The following RP1 variants were observed in gnomAD, a reference collection of about 807,000 sequenced individuals.
RP1 encodes RP1 axonemal microtubule associated.
Under a neutral mutation model 14.8 loss-of-function variants are expected in RP1, and 16 were observed. The observed-to-expected ratio is 1.08, with a 90% CI of 0.73 to 1.65. RP1 has a LOEUF of 1.65. RP1 is among the 40% of genes most tolerant of loss of function. The pLI, the probability that RP1 is intolerant of heterozygous loss-of-function variation, is 0.00. For synonymous variants in RP1, 876 were observed against 883.6 expected, an observed-to-expected ratio of 0.99 and a Z score of 0.15; for missense variants, 2,631 against 2,535.0, an observed-to-expected ratio of 1.04 and a Z score of -0.81.
chr8:54,716,083 C>A (rs1238580704), intron 15 of RP1, among the ~76,000 whole-genome samples: 1 of 152,144 alleles, frequency 6.6e-6, no homozygotes, highest in African/African-American at 2.4e-5. Context: ...GAATGATATT[C>A]AAGTTCATAA....
At chr8:54,832,570 C>A (rs1400561308) in intron 24 of RP1, among the ~76,000 whole-genome samples, 1 of 151,494 alleles carries the variant, frequency 6.6e-6, no homozygotes, top group African/African-American at 2.4e-5. Flanking sequence ...TTTTAATATC[C>A]TTGTCTGCTA....
At chr8:54,837,464 T>C in exon 25 of RP1, 2 of 1,227,834 alleles carry the variant, frequency 1.6e-6, no homozygotes, top group Non-Finnish European at 2.0e-6. Flanking sequence ...ATCTCAAAGA[T>C]ATTGGTGAAA....
rs148029576 is a variant in RP1, at chr8:54,789,715, C to G, written c.3615+6005C>G. On this transcript the variant is annotated intron_variant, in intron 24 of 28. Coordinates refer to the RP1 transcript ENST00000637698. ...AGTCCAGACAGCAAACCCACCTAAT[C>G]GTGGAGTGCAGCCTATAACCCCATC... is the stretch of plus-strand genomic sequence containing the variant. Among the ~76,000 whole-genome samples the G allele has an allele frequency of 1.2e-4, 18 of 152,290 alleles. No homozygotes were observed. In the East Asian group the frequency reaches 3.3e-3, roughly 28 times the overall value.
chr8:54,629,971 A>C lies in RP1; in HGVS notation c.6089A>C (p.Glu2030Ala), dbSNP rs1476368588. The stretch of plus-strand genomic sequence containing the variant: ...AAGAAATTTCAACCAGATTTGAAGG[A>C]AAGGTTTTGTATGAATTTCTTGCAC... ...NLKKFQPDLK[E>A]RFCMNFLHTS... The change falls in exon 4 of 4, where the codon GAA becomes GCA. Residue 2030 changes from glutamate to alanine, a missense_variant. Transcript: ENST00000220676. The C allele has an allele frequency of 1.9e-6, 3 of 1,614,036 alleles. No individual in the cohort carries two copies. In the Admixed American group the frequency reaches 5.0e-5, roughly 27 times the overall value.
chr8:54,570,281 G>C (rs1804492766), intron 1 of RP1, among the ~76,000 whole-genome samples: 1 of 151,962 alleles, frequency 6.6e-6, no homozygotes, highest in South Asian at 2.1e-4. Flanking sequence ...CCATTCTTCA[G>C]AAACCAACTG....
chr8:54,618,803 A>G (rs1015558480), intron 1 of RP1, among the ~76,000 whole-genome samples: 12 of 152,014 alleles, frequency 7.9e-5, no homozygotes, highest in Admixed American at 7.2e-4. Context: ...TGGGACTACA[A>G]GCACACGCCA....
intron 27 of RP1, among the ~76,000 whole-genome samples, chr8:54,861,455 G>A (rs1217645622): frequency 6.6e-6 from 1 of 152,140 alleles, no homozygotes; most frequent in Non-Finnish European, 1.5e-5. Context: ...CCACTTTCAT[G>A]TGTAGTGCAA....
chr8:54,749,094 C>A (rs4737674), intron 19 of RP1, among the ~76,000 whole-genome samples: 46,171 of 151,874 alleles, frequency 0.3, 7,348 homozygotes, highest in East Asian at 0.5. Flanking sequence ...GGATTAAATA[C>A]AATTTGTGAA....
intron 8 of RP1, chr8:54,673,973 T>A: frequency 1.4e-6 from 2 of 1,402,500 alleles, no homozygotes; most frequent in Non-Finnish European, 1.9e-6. Context: ...GATTCCATTC[T>A]GTTTATATGA....
chr8:54,818,304 C>T (rs1811181377), intron 24 of RP1, among the ~76,000 whole-genome samples: 1 of 152,190 alleles, frequency 6.6e-6, no homozygotes, highest in Non-Finnish European at 1.5e-5. Context: ...TAAATAGTGT[C>T]TTTGCAAAAA....
At chr8:54,662,283 G>A (rs1170430693) in intron 6 of RP1, among the ~76,000 whole-genome samples, 1 of 152,122 alleles carries the variant, frequency 6.6e-6, no homozygotes, top group Non-Finnish European at 1.5e-5. Context: ...GTTAATTTCA[G>A]GTTATAAATC....
intron 15 of RP1, among the ~76,000 whole-genome samples, chr8:54,711,780 A>AT (rs910691724): frequency 6.5e-4 from 97 of 149,028 alleles, no homozygotes; most frequent in African/African-American, 1.5e-3. Flanking sequence ...ACAAAACATG[A>AT]TTTTTTTTTT....
chr8:54,608,322 T>A (rs1038660262), intron 1 of RP1, among the ~76,000 whole-genome samples: 1 of 152,018 alleles, frequency 6.6e-6, no homozygotes, highest in African/African-American at 2.4e-5. Context: ...GGGTTAATTT[T>A]ATGGCATGGA....
chr8:54,786,692 G>A (rs1810327606), intron 24 of RP1, among the ~76,000 whole-genome samples: 1 of 151,994 alleles, frequency 6.6e-6, no homozygotes, highest in African/African-American at 2.4e-5. Context: ...GTGGAGCACT[G>A]GATTTATGGA....
intron 25 of RP1, among the ~76,000 whole-genome samples, chr8:54,843,168 T>C (rs1216997486): frequency 6.6e-6 from 1 of 152,222 alleles, no homozygotes; most frequent in Non-Finnish European, 1.5e-5. Flanking sequence ...CCTGAGTAGC[T>C]GGGACTACAG....
At chr8:54,844,510 G>A (rs562955087) in intron 25 of RP1, among the ~76,000 whole-genome samples, 15 of 151,900 alleles carry the variant, frequency 9.9e-5, no homozygotes, top group Non-Finnish European at 1.8e-4. Context: ...TTGTCTCTGT[G>A]TGTGCGTATG....
At chr8:54,842,740 C>G (rs1811816459) in intron 25 of RP1, among the ~76,000 whole-genome samples, 1 of 152,202 alleles carries the variant, frequency 6.6e-6, no homozygotes, top group Non-Finnish European at 1.5e-5. Flanking sequence ...CTAAGAGTAA[C>G]AGCCAAAGTC....
At chr8:54,607,238 C>T (rs903815007) in intron 1 of RP1, among the ~76,000 whole-genome samples, 1 of 152,136 alleles carries the variant, frequency 6.6e-6, no homozygotes, top group Non-Finnish European at 1.5e-5. Context: ...GATGTCCTTT[C>T]TGTTTGTTAG....
At chr8:54,583,090 G>C (rs1804835942) in intron 1 of RP1, among the ~76,000 whole-genome samples, 1 of 152,144 alleles carries the variant, frequency 6.6e-6, no homozygotes, top group Admixed American at 6.5e-5. Flanking sequence ...TTTTCAAAGG[G>C]AATGCTTCCA....
Sources: allele counts gnomAD v4.1 joint callset (sites outside exome capture counted in the v4.1 genomes callset), GRCh38; gene constraint gnomAD v4.1.1; transcripts MANE v1.5; gene names NCBI Gene and HGNC (gene_info 2026-07-23, HGNC 2026-07-21).